TXNRD2: variants seen among roughly 807,000 people sequenced by gnomAD.
TXNRD2 encodes the protein thioredoxin reductase 2.
Under a neutral mutation model 70.8 loss-of-function variants are expected in TXNRD2, and 67 were observed. The ratio of observed to expected loss-of-function variants is 0.95; its 90% CI spans 0.78 to 1.16. TXNRD2 has a LOEUF of 1.16. TXNRD2 is among the 50% of genes most tolerant of loss of function. TXNRD2 has a pLI of 0.00. For missense variants in TXNRD2, 644 were observed against 719.9 expected (o/e 0.89, Z 1.21); for synonymous variants, 301 against 295.8 (o/e 1.02, Z -0.18).
rs2146036989 is a variant in TXNRD2, at chr22:19,915,673, A to C, written c.528+92T>G. On this transcript the variant is annotated intron_variant, in intron 6 of 17. Coordinates refer to ENST00000400521, the MANE Select transcript of TXNRD2 (RefSeq NM_006440.5). Reference sequence around the variant, plus strand: ...TTGATTCCAGCAGCACGTGTTACTAAGAACAGCACCCAGGCCAAACACAGC... The same window carrying C: ...TTGATTCCAGCAGCACGTGTTACTACGAACAGCACCCAGGCCAAACACAGC... 7 of 1,196,196 alleles carry C rather than the reference A, an allele frequency of 5.9e-6. No individual in the cohort carries two copies. In the South Asian group the frequency reaches 8.6e-5, roughly 15 times the overall value. The allele number at this position is 1,196,196 out of a possible 1,614,324, so 74.1% of individuals were successfully genotyped here.
Position 19,883,369 on chromosome 22 carries a change from C to T in TXNRD2, c.1042G>A (p.Ala348Thr). The T allele has an allele frequency of 6.2e-7, 1 of 1,614,068 alleles. No homozygotes were observed. Among genetic ancestry groups the T allele is most frequent in the Non-Finnish European group, 8.5e-7 (1 of 1,180,028 alleles). Residue 348 changes from alanine to threonine, a missense_variant, in exon 12 of 18, where the codon GCC becomes ACC. This residue lies in a region of TXNRD2 where 566 missense variants were observed against 645.0 expected (regional missense o/e 0.88). Coordinates refer to ENST00000400521, the MANE Select transcript of TXNRD2 (RefSeq NM_006440.5). ...TQKILVDSREATSVPHIYAIG... is the reference protein window; with the variant it reads ...TQKILVDSRETTSVPHIYAIG... ...GCGTAGATGTGGGGCACAGAGGTGGCTTCCCGGGAGTCCACCAGGATCTTC... is the reference window on the plus strand; with the variant it reads ...GCGTAGATGTGGGGCACAGAGGTGGTTTCCCGGGAGTCCACCAGGATCTTC...
chr22:19,915,142 T>C, intron 7 of TXNRD2, 72 bp downstream of exon 7: 3 of 1,456,576 alleles, frequency 2.1e-6, no homozygotes, highest in Non-Finnish European at 2.9e-6. Context: ...AGCACGTGTG[T>C]AAAAACGTAT....
chr22:19,890,101 G>A (rs886850665), intron 11 of TXNRD2, among the ~76,000 whole-genome samples: 3 of 152,292 alleles, frequency 2.0e-5, no homozygotes, highest in African/African-American at 4.8e-5. Context: ...AGCACAGGGC[G>A]CTGCCTCCTG....
chr22:19,894,923 G>C, intron 11 of TXNRD2: 1 of 1,246,254 alleles, frequency 8.0e-7, no homozygotes, highest in Non-Finnish European at 1.1e-6. Flanking sequence ...GGGAGGCGGA[G>C]GTTGCCACTG....
intron 8 of TXNRD2, chr22:19,910,913 A>G (rs183273711): frequency 6.3e-5 from 17 of 269,776 alleles, no homozygotes; most frequent in African/African-American, 3.2e-4. Flanking sequence ...CATTTCTACT[A>G]AAAATACAAA....
intron 8 of TXNRD2, among the ~76,000 whole-genome samples, chr22:19,909,210 A>C (rs141503692): frequency 0.038 from 5,755 of 151,832 alleles, 395 homozygotes; most frequent in African/African-American, 0.13. Context: ...TGTTTCAAAA[A>C]AAAAAAAAAA....
At chr22:19,914,012 C>G (rs1362643139) in intron 7 of TXNRD2, among the ~76,000 whole-genome samples, 1 of 152,202 alleles carries the variant, frequency 6.6e-6, no homozygotes, top group Non-Finnish European at 1.5e-5. Context: ...ACAACAGAAT[C>G]CTGGGGCAGA....
Position 19,880,612 on chromosome 22 carries a change from G to C in TXNRD2, c.1182+10C>G. ...CTAGGCTGCACGTGGCGTCCTGCTA[G>C]AGAACTCACATTGTCGTAGTCCATC... On this transcript the variant is annotated intron_variant, in intron 13 of 17. Transcript: ENST00000400521. 6.2e-7 allele frequency: 1 copy of C among 1,612,802 alleles called. No individual in the cohort carries two copies. Among genetic ancestry groups the C allele is most frequent in the South Asian group, 1.1e-5 (1 of 91,076 alleles).
chr22:19,941,681 A>G lies in TXNRD2; in HGVS notation c.103+20T>C. The G allele has an allele frequency of 6.9e-7, 1 of 1,459,594 alleles. No individual in the cohort carries two copies. The highest frequency in any genetic ancestry group is 9.0e-7 in the Non-Finnish European group (1 of 1,113,400). The allele number at this position is 1,459,594 out of a possible 1,614,324, so 90.4% of individuals were successfully genotyped here. A position where few individuals can be genotyped will look rare whatever the true frequency, so the allele number is the denominator to read the frequency against. ...GGCCGCGCGGACACCTACCGCGGGG[A>G]CGCCCCGACCCCATCCTACCTGCTG... On this transcript the variant is annotated intron_variant, in intron 1 of 17. Coordinates refer to ENST00000400521, the MANE Select transcript of TXNRD2 (RefSeq NM_006440.5).
chr22:19,898,222 C>T, intron 9 of TXNRD2, 92 bp from the exon 10 acceptor site: 1 of 1,198,622 alleles, frequency 8.3e-7, no homozygotes. Flanking sequence ...CCACACCCCA[C>T]CCATCCATGG....
intron 2 of TXNRD2, among the ~76,000 whole-genome samples, chr22:19,921,393 T>A (rs1255829943): frequency 1.5e-5 from 2 of 133,528 alleles, no homozygotes; most frequent in African/African-American, 5.8e-5. Flanking sequence ...CCAGCCTAGG[T>A]GACAGAGCAA....
At chr22:19,907,686 G>GGT (rs1254663103) in intron 8 of TXNRD2, among the ~76,000 whole-genome samples, 1 of 43,994 alleles carries the variant, frequency 2.3e-5, no homozygotes, top group Non-Finnish European at 4.5e-5. Context: ...GGAGAGTGTG[G>GGT]GCGCCGTGGG....
At chr22:19,890,461 G>T (rs2145956700) in intron 11 of TXNRD2, among the ~76,000 whole-genome samples, 1 of 152,174 alleles carries the variant, frequency 6.6e-6, no homozygotes, top group East Asian at 1.9e-4. Context: ...TGGATGCCAG[G>T]GTCACTGCTG....
chr22:19,920,664 A>G (rs1940867683), intron 2 of TXNRD2, among the ~76,000 whole-genome samples: 1 of 152,110 alleles, frequency 6.6e-6, no homozygotes, highest in Admixed American at 6.5e-5. Context: ...TGGGCACTGC[A>G]TCAGCAAACT....
chr22:19,940,781 A>G (rs1187511229), intron 1 of TXNRD2, among the ~76,000 whole-genome samples: 1 of 152,162 alleles, frequency 6.6e-6, no homozygotes, highest in Non-Finnish European at 1.5e-5. Flanking sequence ...TGAGGGTTCC[A>G]GGTCTCAGCA....
intron 7 of TXNRD2, among the ~76,000 whole-genome samples, chr22:19,912,480 G>T (rs868851193): frequency 2.6e-5 from 4 of 152,204 alleles, no homozygotes; most frequent in East Asian, 1.9e-4. Context: ...GCAGGGCCGG[G>T]CCAGGCCAGG....
intron 8 of TXNRD2, among the ~76,000 whole-genome samples, chr22:19,902,635 C>G (rs1163096660): frequency 1.3e-5 from 2 of 152,222 alleles, no homozygotes; most frequent in East Asian, 3.8e-4. Flanking sequence ...CCCTCAGGGG[C>G]AGATGCTGGG....
intron 7 of TXNRD2, chr22:19,914,816 C>A: frequency 3.5e-6 from 1 of 283,794 alleles, no homozygotes; most frequent in Non-Finnish European, 6.9e-6. Flanking sequence ...AATTTTATTT[C>A]AAACTTTTTT....
At chr22:19,933,898 G>GCC (rs1242385167) in intron 1 of TXNRD2, among the ~76,000 whole-genome samples, 1 of 152,234 alleles carries the variant, frequency 6.6e-6, no homozygotes, top group Non-Finnish European at 1.5e-5. Flanking sequence ...CCCAGCAAGT[G>GCC]TCTGTCTTGC....
Sources: allele counts gnomAD v4.1 joint callset (sites outside exome capture counted in the v4.1 genomes callset), GRCh38; gene constraint gnomAD v4.1.1; regional missense constraint gnomAD v4.1.1; transcripts MANE v1.5; gene names NCBI Gene and HGNC (gene_info 2026-07-23, HGNC 2026-07-21).